The following PBRM1 variants were observed in gnomAD, a reference collection of about 807,000 sequenced individuals.
PBRM1 encodes the protein polybromo 1, also known as protein polybromo-1.
Under a neutral mutation model 194.5 loss-of-function variants are expected in PBRM1, and 27 were observed. The observed-to-expected ratio is 0.14, with a 90% confidence interval of 0.10 to 0.19. The LOEUF is 0.19. Among genes scored for constraint, PBRM1 ranks in the 10% least tolerant of loss-of-function variants. The pLI is 1.00. For synonymous variants in PBRM1, 655 were observed against 693.2 expected (o/e 0.94, Z 0.87); for missense variants, 1,466 against 2,077.2 (o/e 0.71, Z 5.72).
intron 24 of PBRM1, among the ~76,000 whole-genome samples, chr3:52,562,702 C>T (rs534054484): frequency 6.6e-6 from 1 of 151,944 alleles, no homozygotes; most frequent in Non-Finnish European, 1.5e-5. Context: ...CATCACCATG[C>T]CTAATTTTTA....
At chr3:52,665,146 A>T (rs2096805612) in intron 3 of PBRM1, among the ~76,000 whole-genome samples, 1 of 152,124 alleles carries the variant, frequency 6.6e-6, no homozygotes, top group Admixed American at 6.6e-5. Context: ...TGACTCCACA[A>T]ATCAATATTA....
chr3:52,582,411 C>CTTTT (rs374555187), intron 20 of PBRM1, among the ~76,000 whole-genome samples: 4 of 128,788 alleles, frequency 3.1e-5, no homozygotes, highest in African/African-American at 8.5e-5. Flanking sequence ...ATTGATAATT[C>CTTTT]TTTTTTTTTT....
At chr3:52,599,236 G>T (rs376535776) in intron 17 of PBRM1, among the ~76,000 whole-genome samples, 1 of 151,988 alleles carries the variant, frequency 6.6e-6, no homozygotes, top group Non-Finnish European at 1.5e-5. Context: ...GTGATATTTC[G>T]ATAACATGGA....
chr3:52,683,397 G>C (rs903345264), upstream of PBRM1, among the ~76,000 whole-genome samples: 2 of 151,214 alleles, frequency 1.3e-5, no homozygotes, highest in African/African-American at 4.9e-5. Context: ...ACAACATAAA[G>C]TGAAATCACT....
At chr3:52,682,811 A>G (rs1340866222), upstream of PBRM1, among the ~76,000 whole-genome samples, 2 of 152,154 alleles carry the variant, frequency 1.3e-5, no homozygotes, top group East Asian at 3.9e-4. Context: ...TCATGCCTGT[A>G]ATCCCAGCAC....
intron 25 of PBRM1, 49 bp downstream of exon 27, chr3:52,561,718 T>C: frequency 1.3e-6 from 2 of 1,534,538 alleles, no homozygotes; most frequent in South Asian, 1.1e-5. Flanking sequence ...CGTGCATTCC[T>C]GAAACACCCC....
intron 2 of PBRM1, among the ~76,000 whole-genome samples, chr3:52,678,132 T>G (rs1191188647): frequency 1.3e-5 from 2 of 152,112 alleles, no homozygotes; most frequent in Non-Finnish European, 2.9e-5. Flanking sequence ...TAGGTCATTT[T>G]TTTTGTTTTT....
chr3:52,581,630 A>G (rs2091225815), intron 20 of PBRM1, among the ~76,000 whole-genome samples: 1 of 151,426 alleles, frequency 6.6e-6, no homozygotes, highest in Non-Finnish European at 1.5e-5. Flanking sequence ...AATGGGTTCT[A>G]TTCTAAAGTA....
chr3:52,591,818 T>C (rs1277305588), intron 17 of PBRM1, among the ~76,000 whole-genome samples: 1 of 88,968 alleles, frequency 1.1e-5, no homozygotes, highest in Non-Finnish European at 2.2e-5. Context: ...GCGCCCGGCC[T>C]TTTTTTTTTT....
At chr3:52,560,760 G>A (rs1360968732) in intron 25 of PBRM1, 1 of 152,086 alleles carries the variant, frequency 6.6e-6, no homozygotes, top group East Asian at 1.9e-4. Flanking sequence ...ATTCTTTGCA[G>A]AAGATCCTTG....
chr3:52,581,741 G>A (rs894715607), intron 20 of PBRM1, among the ~76,000 whole-genome samples: 21 of 151,716 alleles, frequency 1.4e-4, no homozygotes, highest in Non-Finnish European at 1.8e-4. Flanking sequence ...GGGTTCAAGT[G>A]ATTTTCCTGC....
chr3:52,643,925 T>C (rs1012782592), intron 8 of PBRM1, among the ~76,000 whole-genome samples: 5 of 151,898 alleles, frequency 3.3e-5, no homozygotes, highest in African/African-American at 1.2e-4. Flanking sequence ...TGGGCCGAGA[T>C]TGTGCCACTG....
intron 26 of PBRM1, among the ~76,000 whole-genome samples, chr3:52,556,147 A>T (rs1278622612): frequency 6.6e-6 from 1 of 152,214 alleles, no homozygotes; most frequent in Non-Finnish European, 1.5e-5. Context: ...TTCCCTGAAG[A>T]TTTCAAACAT....
chr3:52,633,790 A>G (rs2095702090), intron 11 of PBRM1, among the ~76,000 whole-genome samples: 1 of 152,130 alleles, frequency 6.6e-6, no homozygotes, highest in African/African-American at 2.4e-5. Flanking sequence ...TGTGCTTATT[A>G]GCCAGCTGTA....
At chr3:52,623,035 C>T (rs2095333926) in intron 13 of PBRM1, among the ~76,000 whole-genome samples, 1 of 152,178 alleles carries the variant, frequency 6.6e-6, no homozygotes, top group Admixed American at 6.5e-5. Context: ...TTAGAGACAG[C>T]AAATGAATAC....
At position 52,677,408 on chromosome 3, in the gene PBRM1, CTTTTTTTTTTTT is replaced by C. The variant is rs71087007; in HGVS notation, c.236+1080_236+1091del. The stretch of plus-strand genomic sequence containing the variant: ...ACAGGCGCCCCACCACCATGCTCGG[CTTTTTTTTTTTT>C]TTTTTTTTTGAGATGGAGTTTCACT... On this transcript the variant is annotated intron_variant, in intron 2 of 29. Coordinates refer to ENST00000296302, the Ensembl canonical transcript of PBRM1. Among the ~76,000 whole-genome samples, 27 of 110,814 alleles carry C rather than the reference CTTTTTTTTTTTT, an allele frequency of 2.4e-4. No homozygotes were observed. In the East Asian group the frequency reaches 5.2e-3, roughly 21 times the overall value. 72.7% of individuals were successfully genotyped at this position (110,814 alleles called of 152,430 possible). A position where few individuals can be genotyped will look rare whatever the true frequency, so the allele number is the denominator to read the frequency against.
At chr3:52,571,459 C>T (rs578256996) in intron 22 of PBRM1, among the ~76,000 whole-genome samples, 17 of 151,266 alleles carry the variant, frequency 1.1e-4, no homozygotes, top group African/African-American at 3.9e-4. Context: ...AACCCCGTCT[C>T]TACTAAAATA....
chr3:52,657,468 CTTTTA>C (rs2096629056), intron 5 of PBRM1, among the ~76,000 whole-genome samples: 1 of 151,922 alleles, frequency 6.6e-6, no homozygotes. Context: ...CAACATCTTC[CTTTTA>C]TTTATTTATT....
intron 15 of PBRM1, 32 bp downstream of exon 17, chr3:52,615,319 A>G (rs139129513): frequency 1.1e-5 from 13 of 1,155,302 alleles, no homozygotes; most frequent in East Asian, 9.3e-5. Flanking sequence ...TTGATAGACT[A>G]AACTAAATAA....
Sources: gnomAD v4.1 joint callset for allele counts (sites outside exome capture counted in the v4.1 genomes callset) on GRCh38, gnomAD v4.1.1 for gene constraint, MANE v1.5 for transcripts, NCBI Gene and HGNC (gene_info 2026-07-23, HGNC 2026-07-21) for gene names.